CUX1: variants seen among roughly 807,000 people sequenced by gnomAD.
The protein encoded by CUX1 is cut like homeobox 1.
A neutral mutation model predicts 158.8 loss-of-function variants in CUX1; 31 were observed. That is an observed-to-expected ratio of 0.20 (90% CI 0.15 to 0.26). The LOEUF (loss-of-function observed/expected upper bound fraction) is 0.26, where lower values mean the gene tolerates loss of function less well. CUX1 is among the 10% of genes least tolerant of loss of function. The probability of loss-of-function intolerance (pLI) is 1.00; values close to 1 mark genes in which losing one functional copy is unlikely to be tolerated. For missense variants in CUX1, 1,589 were observed against 2,014.6 expected, an observed-to-expected ratio of 0.79 and a Z score of 4.04; for synonymous variants, 879 against 862.1, an observed-to-expected ratio of 1.02 and a Z score of -0.34.
chr7:101,850,421 CTTTTTTTT>C (rs545679696), intron 1 of CUX1, among the ~76,000 whole-genome samples: 2 of 104,660 alleles, frequency 1.9e-5, no homozygotes, highest in Admixed American at 1.0e-4. Context: ...TTCTTTCTTT[CTTTTTTTT>C]TTTTTTTTTT....
chr7:102,007,683 C>G (rs538562711), intron 2 of CUX1, among the ~76,000 whole-genome samples: 1 of 151,422 alleles, frequency 6.6e-6, no homozygotes, highest in Admixed American at 6.6e-5. Context: ...TTCTGGGGAA[C>G]GTTGTCTTCC....
chr7:101,870,495 A>T (rs189233864), intron 1 of CUX1, among the ~76,000 whole-genome samples: 1 of 152,190 alleles, frequency 6.6e-6, no homozygotes, highest in East Asian at 1.9e-4. Flanking sequence ...GGGTGGTGCT[A>T]TTTATCTCCA....
chr7:102,193,757 G>A (rs937231993), intron 12 of CUX1, 85 bp from the exon 13 acceptor site: 14 of 1,392,052 alleles, frequency 1.0e-5, no homozygotes, highest in African/African-American at 1.4e-5. Context: ...AGCCAATATC[G>A]CGCCACTGCA....
At chr7:102,227,754 C>A in intron 21 of CUX1, 85 bp downstream of exon 21, 1 of 1,390,956 alleles carries the variant, frequency 7.2e-7, no homozygotes, top group Non-Finnish European at 9.9e-7. Flanking sequence ...TAGGCCAAGC[C>A]AACCACAGAG....
intron 2 of CUX1, among the ~76,000 whole-genome samples, chr7:102,010,754 C>T (rs1213339596): frequency 2.0e-5 from 3 of 152,220 alleles, no homozygotes; most frequent in Admixed American, 6.6e-5. Flanking sequence ...GTGAGGACCA[C>T]GCTAAAAGAT....
At chr7:102,243,313 C>G (rs1554535585) in intron 23 of CUX1, among the ~76,000 whole-genome samples, 1 of 152,112 alleles carries the variant, frequency 6.6e-6, no homozygotes, top group Admixed American at 6.6e-5. Flanking sequence ...CCAGAGTAGA[C>G]ACTCAACAAA....
intron 2 of CUX1, among the ~76,000 whole-genome samples, chr7:101,972,246 G>A (rs927681215): frequency 2.6e-5 from 4 of 152,350 alleles, no homozygotes; most frequent in African/African-American, 7.2e-5. Flanking sequence ...GATTACAGGC[G>A]TGAGCCACCG....
intron 8 of CUX1, among the ~76,000 whole-genome samples, chr7:102,156,389 T>C (rs1585953915): frequency 6.6e-6 from 1 of 151,144 alleles, no homozygotes; most frequent in African/African-American, 2.4e-5. Context: ...AAAGGGGAGG[T>C]GGATGCGTGC....
intron 8 of CUX1, among the ~76,000 whole-genome samples, chr7:102,117,178 A>T (rs532552738): frequency 2.6e-5 from 4 of 152,178 alleles, no homozygotes; most frequent in African/African-American, 9.6e-5. Flanking sequence ...CAGGTGGATC[A>T]CCTGAGGTCA....
intron 2 of CUX1, among the ~76,000 whole-genome samples, chr7:102,001,642 C>T (rs1162595381): frequency 6.6e-6 from 1 of 152,234 alleles, no homozygotes; most frequent in Admixed American, 6.5e-5. Context: ...CCGCGCCCGG[C>T]CCCGTTTGGT....
chr7:102,061,558 G>A (rs1042495324), intron 3 of CUX1, among the ~76,000 whole-genome samples: 2 of 152,156 alleles, frequency 1.3e-5, no homozygotes, highest in Non-Finnish European at 2.9e-5. Context: ...CTGAGGCCCA[G>A]AGAGGTTAAT....
At chr7:102,096,991 C>G (rs557818896) in intron 4 of CUX1, among the ~76,000 whole-genome samples, 76 of 152,368 alleles carry the variant, frequency 5.0e-4, no homozygotes, top group South Asian at 1.0e-3. Context: ...CTTGTCCGTC[C>G]TCCACGTGCA....
chr7:102,253,625 C>T lies in CUX1; in HGVS notation c.*4583C>T. ...AGAGCCAGGGGAACAGACGCATGTC[C>T]TTCTGGGAGTCACACAAAAGCAGAG... On this transcript the variant is annotated 3_prime_UTR_variant, in exon 24 of 24. Coordinates refer to ENST00000292535, the MANE Select transcript of CUX1 (RefSeq NM_181552.4). 27 of 985,410 alleles carry T rather than the reference C, an allele frequency of 2.7e-5. No individual in the cohort carries two copies. The highest frequency in any genetic ancestry group is 3.3e-5 in the Non-Finnish European group (27 of 829,938). The allele number at this position is 985,410 out of a possible 1,614,324, so 61.0% of individuals were successfully genotyped here.
intron 1 of CUX1, among the ~76,000 whole-genome samples, chr7:101,831,094 C>T (rs1793941715): frequency 1.3e-5 from 2 of 152,040 alleles, no homozygotes; most frequent in African/African-American, 4.8e-5. Flanking sequence ...CGCGAGGTGT[C>T]CAATGGCAGC....
intron 1 of CUX1, among the ~76,000 whole-genome samples, chr7:101,878,126 C>T (rs1171682524): frequency 2.0e-5 from 3 of 152,210 alleles, no homozygotes; most frequent in Non-Finnish European, 4.4e-5. Context: ...TTCATGATTG[C>T]ACTAATTATA....
intron 10 of CUX1, among the ~76,000 whole-genome samples, chr7:102,173,646 G>A (rs1477102128): frequency 1.3e-5 from 2 of 152,150 alleles, no homozygotes; most frequent in African/African-American, 2.4e-5. Context: ...GTGTCTACAC[G>A]GGGCCCCTGA....
At chr7:102,162,209 G>C (rs748218662) in intron 9 of CUX1, among the ~76,000 whole-genome samples, 3 of 152,142 alleles carry the variant, frequency 2.0e-5, no homozygotes, top group Non-Finnish European at 4.4e-5. Flanking sequence ...GCCAGGGGAC[G>C]GAGCCAGGCT....
At position 102,248,028 on chromosome 7, in the gene CUX1, G is replaced by T. The variant is rs369975785; in HGVS notation, c.3888-384G>T. On this transcript the variant is annotated intron_variant, in intron 23 of 23. Transcript: ENST00000292535. This position sits in a 1 kb window ranked among gnomAD's most constrained non-coding sequence, Gnocchi z 5.8. The stretch of plus-strand genomic sequence containing the variant: ...TGACTGTAATCCCAGGTACTCTGGA[G>T]GCTGAGGCAGGAGAATCGCTTGAAC... Among the ~76,000 whole-genome samples the T allele has an allele frequency of 3.7e-4, 56 of 152,354 alleles. No individual in the cohort carries two copies. The highest frequency in any genetic ancestry group is 1.3e-3 in the African/African-American group (55 of 41,588).
At chr7:102,118,528 C>T (rs1035444698) in intron 8 of CUX1, among the ~76,000 whole-genome samples, 1 of 151,802 alleles carries the variant, frequency 6.6e-6, no homozygotes, top group African/African-American at 2.4e-5. Context: ...CAGAGCAAGA[C>T]CCTGTCTAAA....
Sources: gnomAD v4.1 joint callset for allele counts (sites outside exome capture counted in the v4.1 genomes callset) on GRCh38, gnomAD v4.1.1 for gene constraint, Gnocchi (gnomAD v3.1) non-coding constraint, MANE v1.5 for transcripts, NCBI Gene and HGNC (gene_info 2026-07-23, HGNC 2026-07-21) for gene names.